Variants in DOCK6 observed in about 807,000 individuals in gnomAD.
DOCK6 encodes dedicator of cytokinesis protein 6.
A neutral mutation model predicts 230.3 loss-of-function variants in DOCK6; 167 were observed. That is an observed-to-expected ratio of 0.73 (90% CI 0.64 to 0.82). The LOEUF (loss-of-function observed/expected upper bound fraction) is 0.82, where lower values mean the gene tolerates loss of function less well. Among genes scored for constraint, DOCK6 ranks in the 40% least tolerant of loss-of-function variants. The pLI is 0.00. For synonymous variants in DOCK6, 1,148 were observed against 1,185.0 expected (o/e 0.97, Z 0.64); for missense variants, 2,598 against 2,825.8 (o/e 0.92, Z 1.83).
At chr19:11,206,376 A>C (rs1462956103) in intron 39 of DOCK6, 1 of 151,920 alleles carries the variant, frequency 6.6e-6, no homozygotes, top group Non-Finnish European at 1.5e-5. Flanking sequence ...GCAACATAGC[A>C]AGATCCCATC....
At position 11,229,031 on chromosome 19, in the gene DOCK6, A is replaced by C. The variant is rs1395461225; in HGVS notation, c.2723T>G (p.Leu908Arg). 1 of 1,613,312 alleles carries C rather than the reference A, an allele frequency of 6.2e-7. No homozygotes were observed. The highest frequency in any genetic ancestry group is 2.2e-5 in the East Asian group (1 of 44,882). The change falls in exon 23 of 48, where the codon CTT (leucine) becomes CGT (arginine). Residue 908 changes from leucine (L) to arginine (R), a missense_variant. Leu to Arg is a moderately radical substitution (Grantham distance 102). Coordinates refer to ENST00000294618, the MANE Select transcript of DOCK6 (RefSeq NM_020812.4). ...EVSRILASKL[L>R]HEELALQWVV... ...CCACTGCAGAGCCAGCTCCTCGTGA[A>C]GCAGCTGGGGACAGAGGCAGGGGTC...
At chr19:11,240,057 G>A in intron 14 of DOCK6, 2 of 1,548,680 alleles carry the variant, frequency 1.3e-6, no homozygotes, top group Non-Finnish European at 1.7e-6. Flanking sequence ...AAGATTTTCA[G>A]CGATAAACTC....
Position 11,236,616 on chromosome 19 carries a change from G to A in DOCK6, c.2161-39C>T, listed in dbSNP as rs767656132. On this transcript the variant is annotated intron_variant, in intron 19 of 47. Coordinates refer to ENST00000294618, the MANE Select transcript of DOCK6 (RefSeq NM_020812.4). This position sits in a 1 kb window ranked among gnomAD's most constrained non-coding sequence, Gnocchi z 5.2. ...TGGAGTGAGCAGGGTGGGGCCTCAGGGAATGAAGACCACCCCTGCCTGAAT... is the reference window on the plus strand; with the variant it reads ...TGGAGTGAGCAGGGTGGGGCCTCAGAGAATGAAGACCACCCCTGCCTGAAT... 2.0e-6 allele frequency: 3 copies of A among 1,534,646 alleles called. No individual in the cohort carries two copies. The highest frequency in any genetic ancestry group is 4.9e-5 in the East Asian group (2 of 40,850).
rs781745889 is a variant in DOCK6 at position 11,216,941 on chromosome 19, G to T, written c.3867C>A (p.Tyr1289Ter). The stretch of plus-strand genomic sequence containing the variant: ...TGTACTCAAAGGCAGCTAGGCAAAG[G>T]TACAGCAAATCCAACAGACGTCCCA... ...PQLGRLLDLLYLCLAAFEYKG... is the reference protein window; with the variant it reads ...PQLGRLLDLL Residue 1289 changes from tyrosine to a stop codon, truncating the protein, a stop_gained, in exon 30 of 48, where the codon TAC becomes TAA. Transcript: ENST00000294618. LOFTEE classifies it high-confidence loss of function. The T allele has an allele frequency of 1.2e-6, 2 of 1,613,710 alleles. No homozygotes were observed. Among genetic ancestry groups the T allele is most frequent in the East Asian group, 4.5e-5 (2 of 44,870 alleles).
In DOCK6 at chr19:11,222,814, T is replaced by C. The variant is rs2079601706; in HGVS notation, c.3161A>G (p.Tyr1054Cys). The C allele has an allele frequency of 6.3e-7, 1 of 1,593,798 alleles. No individual in the cohort carries two copies. Among genetic ancestry groups the C allele is most frequent in the Non-Finnish European group, 8.5e-7 (1 of 1,170,530 alleles). The change falls in exon 26 of 48, where the codon TAC (tyrosine) becomes TGC (cysteine). Residue 1054 changes from tyrosine (Y) to cysteine (C), a missense_variant. Coordinates refer to ENST00000294618, the MANE Select transcript of DOCK6 (RefSeq NM_020812.4). The surrounding 1 kb of genome is among the most constrained non-coding windows in gnomAD (Gnocchi z 4.0). Reference protein sequence around the residue: ...FTRILCSHEHYVTLNLPCCPL... With the variant: ...FTRILCSHEHCVTLNLPCCPL... The stretch of plus-strand genomic sequence containing the variant: ...GCAGCAGGGGAGGTTGAGGGTCACG[T>C]AGTGCTCGTGGCTGCACAGGATGCG...
At chr19:11,223,910 G>C (rs1160859016) in intron 24 of DOCK6, among the ~76,000 whole-genome samples, 1 of 152,052 alleles carries the variant, frequency 6.6e-6, no homozygotes, top group Non-Finnish European at 1.5e-5. Context: ...GCTTCCCAAA[G>C]TGCTGGGATT....
At chr19:11,211,961 G>A in intron 36 of DOCK6, 32 bp downstream of exon 36, 1 of 1,589,638 alleles carries the variant, frequency 6.3e-7, no homozygotes, top group Non-Finnish European at 8.6e-7. Flanking sequence ...TTATATGAAG[G>A]GGAGGCGGGG....
intron 28 of DOCK6, 159 bp downstream of exon 28, chr19:11,221,692 G>T: frequency 9.5e-7 from 1 of 1,052,450 alleles, no homozygotes; most frequent in South Asian, 1.5e-5. Flanking sequence ...GCTCAGAGAT[G>T]TTATGACTTA....
In DOCK6 at chr19:11,200,925, C is replaced by G. The variant is rs754634683; in HGVS notation, c.5816G>C (p.Gly1939Ala). Residue 1939 changes from glycine to alanine, a missense_variant, in exon 45 of 48, where the codon GGG becomes GCG. Coordinates refer to ENST00000294618, the MANE Select transcript of DOCK6 (RefSeq NM_020812.4). This position sits in a 1 kb window ranked among gnomAD's most constrained non-coding sequence, Gnocchi z 4.3. The part of the protein sequence containing the change: ...MLQMVLQGSV[G>A]PTVNQGPLEV... The stretch of plus-strand genomic sequence containing the variant: ...CAGCCGTGCCTGGTTCACGGTGGGC[C>G]CTACAGAGCCCTGAAGCACCATCTG... 6.2e-7 allele frequency: 1 copy of G among 1,613,876 alleles called. No homozygotes were observed. Among genetic ancestry groups the G allele is most frequent in the East Asian group, 2.2e-5 (1 of 44,872 alleles).
chr19:11,230,739 A>G (rs947842690), intron 22 of DOCK6, among the ~76,000 whole-genome samples: 3 of 152,156 alleles, frequency 2.0e-5, no homozygotes, highest in Non-Finnish European at 4.4e-5. Context: ...GTGAGGTGCC[A>G]GGAATAGCAG....
At chr19:11,240,582 C>CT (rs869249463) in intron 14 of DOCK6, among the ~76,000 whole-genome samples, 5,324 of 136,302 alleles carry the variant, frequency 0.039, 326 homozygotes, top group African/African-American at 0.12. Flanking sequence ...TCAATAAATT[C>CT]TTTTTTTTTT....
In DOCK6 at chr19:11,222,878, T is replaced by C. The variant is rs1381676564; in HGVS notation, c.3097A>G (p.Asn1033Asp). ...CGCAGGGTCAGCAGGGCTGCTGGAT[T>C]AGGGGACGACTGGAGCCGCGTGGCC... ...QVATRLQSSPNPAALLTLRME... is the reference protein window; with the variant it reads ...QVATRLQSSPDPAALLTLRME... Residue 1033 changes from asparagine to aspartate, a missense_variant, in exon 26 of 48, where the codon AAT (asparagine) becomes GAT (aspartate). Transcript: ENST00000294618. The surrounding 1 kb of genome is among the most constrained non-coding windows in gnomAD (Gnocchi z 4.0). The C allele has an allele frequency of 6.2e-7, 1 of 1,607,932 alleles. No individual in the cohort carries two copies. Among genetic ancestry groups the C allele is most frequent in the South Asian group, 1.1e-5 (1 of 90,182 alleles).
intron 1 of DOCK6, among the ~76,000 whole-genome samples, chr19:11,257,865 G>A (rs2080222599): frequency 6.6e-6 from 1 of 152,076 alleles, no homozygotes; most frequent in African/African-American, 2.4e-5. Context: ...GGAGGCTGAG[G>A]TGGGAGGATC....
Position 11,235,674 on chromosome 19 carries a change from G to A in DOCK6, c.2478C>T (p.Arg826=), listed in dbSNP as rs775482232. 33 of 1,602,334 alleles carry A rather than the reference G, an allele frequency of 2.1e-5. No homozygotes were observed. In the Admixed American group the frequency reaches 2.4e-4, roughly 12 times the overall value. ...HRSLEAAQDA[R]GHCPQLAAYV... ...AGGCAGCCAGCTGTGGGCAGTGACC[G>A]CGGGCATCCTGGGCTGCCTCCAGGC... is the stretch of plus-strand genomic sequence containing the variant. The change falls in exon 21 of 48, where the codon CGC becomes CGT. Residue 826 remains arginine (R), a synonymous_variant. Coordinates refer to ENST00000294618, the MANE Select transcript of DOCK6 (RefSeq NM_020812.4).
Position 11,202,489 on chromosome 19 carries a change from G to GACACAGGGCTGACTCGGGGCC in DOCK6, c.5362-27_5362-7dup, listed in dbSNP as rs771727670. 1.2e-6 allele frequency: 2 copies of GACACAGGGCTGACTCGGGGCC among 1,611,968 alleles called. No individual in the cohort carries two copies. Among genetic ancestry groups the GACACAGGGCTGACTCGGGGCC allele is most frequent in the African/African-American group, 2.7e-5 (2 of 74,536 alleles). ...AATCTCTCCGTGTAGAACTCCTGGAGACACAGGGCTGACTCGGGGCCACCC... is the reference window on the plus strand; with the variant it reads ...AATCTCTCCGTGTAGAACTCCTGGAGACACAGGGCTGACTCGGGGCCACACAGGGCTGACTCGGGGCCACCC... On this transcript the variant is annotated splice_polypyrimidine_tract_variant and splice_region_variant and intron_variant, in intron 42 of 47. Transcript: ENST00000294618. The surrounding 1 kb of genome is among the most constrained non-coding windows in gnomAD (Gnocchi z 5.3).
intron 1 of DOCK6, among the ~76,000 whole-genome samples, chr19:11,257,965 G>GA (rs1196817115): frequency 2.6e-5 from 4 of 152,002 alleles, no homozygotes; most frequent in Admixed American, 2.0e-4. Context: ...CACGCACACA[G>GA]AAAAAACCAT....
intron 1 of DOCK6, among the ~76,000 whole-genome samples, chr19:11,255,207 G>A (rs2080179383): frequency 4.6e-5 from 7 of 152,006 alleles, no homozygotes; most frequent in Admixed American, 4.6e-4. Context: ...GTTTCACAAT[G>A]TTGGCCAGGC....
chr19:11,232,256 C>T (rs1010902005), intron 22 of DOCK6: 44 of 1,289,494 alleles, frequency 3.4e-5, no homozygotes, highest in Non-Finnish European at 4.1e-5. Flanking sequence ...GGAGCATAAG[C>T]GGAATTCACC....
At chr19:11,244,020 A>G (rs971646757) in intron 9 of DOCK6, 138 bp from the exon 10 acceptor site, 2 of 889,070 alleles carry the variant, frequency 2.2e-6, no homozygotes, top group African/African-American at 1.7e-5. Context: ...AACACCTCCC[A>G]TGGCTCCCGC....
Sources: gnomAD v4.1 joint callset for allele counts (sites outside exome capture counted in the v4.1 genomes callset) on GRCh38, gnomAD v4.1.1 for gene constraint, Gnocchi (gnomAD v3.1) non-coding constraint, MANE v1.5 for transcripts, NCBI Gene and HGNC (gene_info 2026-07-23, HGNC 2026-07-21) for gene names.